Variants in TRERF1 observed in about 807,000 individuals in gnomAD.
TRERF1 encodes the protein transcriptional-regulating factor 1.
A neutral mutation model predicts 122.9 loss-of-function variants in TRERF1; 27 were observed. The observed-to-expected ratio is 0.22, with a 90% confidence interval of 0.16 to 0.30. TRERF1 has a LOEUF of 0.30. Among genes scored for constraint, TRERF1 ranks in the 10% least tolerant of loss-of-function variants. TRERF1 has a pLI of 1.00. For synonymous variants in TRERF1, 636 were observed against 641.7 expected, an observed-to-expected ratio of 0.99 and a Z score of 0.13; for missense variants, 1,248 against 1,560.3, an observed-to-expected ratio of 0.80 and a Z score of 3.37.
rs969135690 is a variant in TRERF1, at chr6:42,440,127, T to C, written c.-454+11050A>G. Among the ~76,000 whole-genome samples, 13 of 152,148 alleles carry C rather than the reference T, an allele frequency of 8.5e-5. No individual in the cohort carries two copies. The East Asian group carries it at 2.5e-3, about 29-fold the overall frequency. On this transcript the variant is annotated intron_variant, in intron 2 of 17. Transcript: ENST00000372922. ...AGGCTATGAGACCCTTGACCTTCCTTAGAATAACAGCTCACTCCAGGAACT... is the reference window on the plus strand; with the variant it reads ...AGGCTATGAGACCCTTGACCTTCCTCAGAATAACAGCTCACTCCAGGAACT...
intron 3 of TRERF1, among the ~76,000 whole-genome samples, chr6:42,347,571 T>C (rs1312185692): frequency 6.6e-6 from 1 of 152,214 alleles, no homozygotes; most frequent in Non-Finnish European, 1.5e-5. Flanking sequence ...GTATAAATGC[T>C]GGTCATGTCG....
At position 42,228,230 on chromosome 6, in the gene TRERF1, C is replaced by A; in HGVS notation, c.*115G>T. 2.3e-6 allele frequency: 2 copies of A among 853,792 alleles called. No homozygotes were observed. Among genetic ancestry groups the A allele is most frequent in the South Asian group, 3.1e-5 (1 of 32,514 alleles). 52.9% of individuals were successfully genotyped at this position (853,792 alleles called of 1,614,324 possible). Reference sequence around the variant, plus strand: ...TTTTTCTAAACCTGAATAAAATGACCACTTTTAAAACAGGTAGTTTAAAAG... The same window carrying A: ...TTTTTCTAAACCTGAATAAAATGACAACTTTTAAAACAGGTAGTTTAAAAG... On this transcript the variant is annotated 3_prime_UTR_variant, in exon 18 of 18. Transcript: ENST00000372922. This position sits in a 1 kb window ranked among gnomAD's most constrained non-coding sequence, Gnocchi z 4.2.
chr6:42,283,967 T>A (rs1420960536), intron 4 of TRERF1, among the ~76,000 whole-genome samples: 1 of 152,174 alleles, frequency 6.6e-6, no homozygotes. Flanking sequence ...GCCTTATGAA[T>A]TTATTTTAAC....
chr6:42,311,668 A>G (rs184644947), intron 3 of TRERF1, among the ~76,000 whole-genome samples: 17 of 150,234 alleles, frequency 1.1e-4, no homozygotes, highest in Non-Finnish European at 3.0e-5. Context: ...CGGGAGGCTG[A>G]GACAGGAGAA....
intron 2 of TRERF1, among the ~76,000 whole-genome samples, chr6:42,446,194 G>A (rs1787483886): frequency 6.6e-6 from 1 of 152,242 alleles, no homozygotes; most frequent in Non-Finnish European, 1.5e-5. Flanking sequence ...GATTACAGGT[G>A]TGAGCCACCG....
intron 2 of TRERF1, among the ~76,000 whole-genome samples, chr6:42,385,047 G>A (rs182867111): frequency 2.2e-4 from 34 of 151,864 alleles, no homozygotes; most frequent in African/African-American, 4.3e-4. Flanking sequence ...GTGCGATCTC[G>A]GCTCACTGCA....
At chr6:42,253,360 G>C (rs766777237) in intron 13 of TRERF1, among the ~76,000 whole-genome samples, 1 of 152,124 alleles carries the variant, frequency 6.6e-6, no homozygotes, top group Non-Finnish European at 1.5e-5. Context: ...CCTCCTTTTA[G>C]CCAACCCACT....
chr6:42,247,366 T>G (rs1405341745), intron 13 of TRERF1, among the ~76,000 whole-genome samples: 1 of 152,234 alleles, frequency 6.6e-6, no homozygotes, highest in Non-Finnish European at 1.5e-5. Flanking sequence ...TTCTAAGTGC[T>G]TACTAAGTGG....
chr6:42,241,430 A>G (rs780052405), intron 15 of TRERF1, among the ~76,000 whole-genome samples: 16 of 152,108 alleles, frequency 1.1e-4, no homozygotes, highest in Non-Finnish European at 2.1e-4. Context: ...ATCAATTATT[A>G]GTTAGAAGCA....
Position 42,308,768 on chromosome 6 carries a change from A to C in TRERF1, c.-370-8019T>G, listed in dbSNP as rs374867772. 1.6e-4 allele frequency among the ~76,000 whole-genome samples: 24 copies of C among 152,208 alleles called. No individual in the cohort carries two copies. In the South Asian group the frequency reaches 4.8e-3, roughly 30 times the overall value. ...ATGAACACAAAGAAGGAAACAACAG[A>C]CACTGAGGTCTACTTGAGGGGGGAG... is the stretch of plus-strand genomic sequence containing the variant. On this transcript the variant is annotated intron_variant, in intron 3 of 17. Coordinates refer to ENST00000372922, the Ensembl canonical transcript of TRERF1.
Position 42,277,898 on chromosome 6 carries a change from GGAAGAAGGAAGAAGAA to G in TRERF1, c.-258-8066_-258-8051del, listed in dbSNP as rs1307520921. 4.6e-3 allele frequency among the ~76,000 whole-genome samples: 527 copies of G among 113,836 alleles called. 3 individuals are homozygous for G. The highest frequency in any genetic ancestry group is 0.021 in the Admixed American group (230 of 10,846). 74.7% of individuals were successfully genotyped at this position (113,836 alleles called of 152,430 possible). A position where few individuals can be genotyped will look rare whatever the true frequency, so the allele number is the denominator to read the frequency against. ...AGAAGGAAGAAGGAAGAAGGAAGAA[GGAAGAAGGAAGAAGAA>G]GAAGAAGAAGAAGAAGAAGAAGAAG... On this transcript the variant is annotated intron_variant, in intron 4 of 17. Transcript: ENST00000372922.
intron 2 of TRERF1, among the ~76,000 whole-genome samples, chr6:42,428,841 C>T (rs1255445155): frequency 1.3e-5 from 2 of 152,146 alleles, no homozygotes; most frequent in Admixed American, 1.3e-4. Context: ...TGAAGCCCTG[C>T]CTCCCTCTCC....
In TRERF1 at chr6:42,408,285, ATG is replaced by A. The variant is rs534280195; in HGVS notation, c.-454+42890_-454+42891del. On this transcript the variant is annotated intron_variant, in intron 2 of 17. Coordinates refer to ENST00000372922, the Ensembl canonical transcript of TRERF1. ...TGTGTGTATGTATATATACATACAC[ATG>A]TGTGTGTATGTATATATACATACTC... Among the ~76,000 whole-genome samples, 127 of 136,334 alleles carry A rather than the reference ATG, an allele frequency of 9.3e-4. 2 individuals are homozygous for A. The highest frequency in any genetic ancestry group is 2.1e-3 in the African/African-American group (75 of 35,274). 89.4% of individuals were successfully genotyped at this position (136,334 alleles called of 152,430 possible).
chr6:42,335,207 G>C (rs538596399), intron 3 of TRERF1, among the ~76,000 whole-genome samples: 3 of 152,334 alleles, frequency 2.0e-5, no homozygotes, highest in Admixed American at 6.5e-5. Flanking sequence ...CTGGCAGTGA[G>C]AGCCAAGAGC....
intron 3 of TRERF1, 120 bp downstream of exon 3, chr6:42,362,877 G>C (rs1473003362): frequency 6.5e-6 from 1 of 153,784 alleles, no homozygotes; most frequent in Non-Finnish European, 1.5e-5. Context: ...TGGATGTCCA[G>C]GCCCAGAGCA....
intron 4 of TRERF1, among the ~76,000 whole-genome samples, chr6:42,299,662 TG>T (rs1785793637): frequency 6.6e-6 from 1 of 152,366 alleles, no homozygotes; most frequent in South Asian, 2.1e-4. Flanking sequence ...TATTTAAAGA[TG>T]TTTTTTGAAG....
intron 17 of TRERF1, among the ~76,000 whole-genome samples, chr6:42,230,049 G>A (rs1226950857): frequency 3.3e-5 from 5 of 152,154 alleles, no homozygotes; most frequent in Non-Finnish European, 7.3e-5. Context: ...TTTATGGAGA[G>A]GGGGTGGCAT....
intron 2 of TRERF1, among the ~76,000 whole-genome samples, chr6:42,371,697 A>C (rs1773795423): frequency 1.3e-5 from 2 of 152,130 alleles, no homozygotes; most frequent in African/African-American, 4.8e-5. Context: ...CCTTCTGGGG[A>C]ACCCTACAGA....
chr6:42,411,522 G>A (rs920157080), intron 2 of TRERF1, among the ~76,000 whole-genome samples: 20 of 152,290 alleles, frequency 1.3e-4, no homozygotes, highest in African/African-American at 4.8e-4. Context: ...AAGGAAACGG[G>A]ACACAGGAAC....
Sources: gnomAD v4.1 joint callset for allele counts (sites outside exome capture counted in the v4.1 genomes callset) on GRCh38, gnomAD v4.1.1 for gene constraint, Gnocchi (gnomAD v3.1) non-coding constraint, MANE v1.5 for transcripts, NCBI Gene and HGNC (gene_info 2026-07-23, HGNC 2026-07-21) for gene names.